HRH2: variants seen among roughly 807,000 people sequenced by gnomAD.
The protein encoded by HRH2 is histamine H2 receptor.
Under a neutral mutation model 20.1 loss-of-function variants are expected in HRH2, and 4 were observed. The ratio of observed to expected loss-of-function variants is 0.20; its 90% confidence interval spans 0.10 to 0.45. The LOEUF (loss-of-function observed/expected upper bound fraction) is 0.45. Among genes scored for constraint, HRH2 ranks in the 20% least tolerant of loss-of-function variants. The pLI is 0.99. For synonymous variants in HRH2, 197 were observed against 200.7 expected, an observed-to-expected ratio of 0.98 and a Z score of 0.16; for missense variants, 250 against 461.6, an observed-to-expected ratio of 0.54 and a Z score of 4.20.
intron 2 of HRH2, among the ~76,000 whole-genome samples, chr5:175,698,826 G>A (rs1214133826): frequency 2.6e-5 from 4 of 152,158 alleles, no homozygotes; most frequent in Admixed American, 6.5e-5. Context: ...TAAGTCCCAC[G>A]GGGTTCATTT....
Position 175,707,880 on chromosome 5 carries a change from C to T in HRH2, c.1178C>T (p.Ser393Leu), listed in dbSNP as rs1581474635. ...CTTCAGAGACACATGGGAGGCCCCT[C>T]GGAGGAGCTATCGGGGGAGCCACTG... ...RFLQRHMGGP[S>L]EELSGEPLSE... The change falls in exon 3 of 3, where the codon TCG (serine) becomes TTG (leucine). Residue 393 changes from serine (S) to leucine (L), a missense_variant. Around this residue, in one of 5 missense-constraint regions of HRH2, gnomAD observed 55 missense variants for 66.9 expected, o/e 0.82. Transcript: ENST00000636584. 1.5e-5 allele frequency: 6 copies of T among 399,196 alleles called. No homozygotes were observed. The highest frequency in any genetic ancestry group is 3.6e-5 in the East Asian group (1 of 28,092). 24.7% of individuals were successfully genotyped at this position (399,196 alleles called of 1,614,324 possible).
rs1756169650 is a variant in HRH2, at chr5:175,686,254, C to T, written c.1076+1945C>T. ...TGGTTCAGCTAGAAGGTGGTTGCCA[C>T]TCTTGGGTTTAGTCTTGTATATCAC... On this transcript the variant is annotated intron_variant, in intron 2 of 2. Coordinates refer to ENST00000636584, the MANE Select transcript of HRH2 (RefSeq NM_001367711.1). The surrounding 1 kb of genome is among the most constrained non-coding windows in gnomAD (Gnocchi z 4.7). The T allele has an allele frequency of 6.6e-6, 1 of 152,236 alleles. No homozygotes were observed. Among genetic ancestry groups the T allele is most frequent in the Admixed American group, 6.5e-5 (1 of 15,278 alleles). 9.4% of individuals were successfully genotyped at this position (152,236 alleles called of 1,614,324 possible).
intron 2 of HRH2, among the ~76,000 whole-genome samples, chr5:175,689,263 GC>G (rs1001457497): frequency 1.3e-5 from 2 of 151,372 alleles, no homozygotes; most frequent in South Asian, 2.1e-4. Context: ...TGCCCCTCTG[GC>G]CCCCCTCAGC....
rs12055064 is a variant in HRH2, at chr5:175,669,892, A to C, written c.-526+11737A>C. On this transcript the variant is annotated intron_variant, in intron 1 of 2. Transcript: ENST00000636584. ...AGAGCACTAGAGCTCCACTAAAGGA[A>C]TCCTGCCTTTACCGTTCATGGACTG... Among the ~76,000 whole-genome samples, 83 of 152,354 alleles carry C rather than the reference A, an allele frequency of 5.4e-4. 1 individual carries two copies. The East Asian group carries it at 0.013, about 25-fold the overall frequency.
Position 175,687,563 on chromosome 5 carries a change from T to C in HRH2, c.1076+3254T>C, listed in dbSNP as rs1288994836. Reference sequence around the variant, plus strand: ...CCTGCCCAGCCTCTATGAGTGCTCTTTGCAGCACACTCAGGGCAGCTCACC... The same window carrying C: ...CCTGCCCAGCCTCTATGAGTGCTCTCTGCAGCACACTCAGGGCAGCTCACC... On this transcript the variant is annotated intron_variant, in intron 2 of 2. Transcript: ENST00000636584. The surrounding 1 kb of genome is among the most constrained non-coding windows in gnomAD (Gnocchi z 5.2). 3.3e-5 allele frequency among the ~76,000 whole-genome samples: 5 copies of C among 152,082 alleles called. No individual in the cohort carries two copies. The highest frequency in any genetic ancestry group is 3.3e-4 in the Admixed American group (5 of 15,278).
chr5:175,705,680 TGA>T (rs1756924695), intron 2 of HRH2, among the ~76,000 whole-genome samples: 1 of 151,870 alleles, frequency 6.6e-6, no homozygotes, highest in South Asian at 2.1e-4. Context: ...TTTTTTTTTT[TGA>T]GACAGGGTCT....
intron 2 of HRH2, among the ~76,000 whole-genome samples, chr5:175,703,369 A>G (rs1024202057): frequency 1.3e-5 from 2 of 152,230 alleles, no homozygotes; most frequent in African/African-American, 4.8e-5. Flanking sequence ...AACATTTTAA[A>G]GTAAACGACA....
chr5:175,686,294 A>G lies in HRH2; in HGVS notation c.1076+1985A>G, dbSNP rs573800585. On this transcript the variant is annotated intron_variant, in intron 2 of 2. Transcript: ENST00000636584. This position sits in a 1 kb window ranked among gnomAD's most constrained non-coding sequence, Gnocchi z 4.7. ...TTGTATATCACTTTGTGCTGCCGTT[A>G]CTTGTTTGAGCCCTGGGTTAATAAG... 1 of 152,358 alleles carries G rather than the reference A, an allele frequency of 6.6e-6. No homozygotes were observed. Among genetic ancestry groups the G allele is most frequent in the Non-Finnish European group, 1.5e-5 (1 of 68,034 alleles). The allele number at this position is 152,358 out of a possible 1,614,324, so 9.4% of individuals were successfully genotyped here.
At chr5:175,689,095 C>T (rs1581444826) in intron 2 of HRH2, among the ~76,000 whole-genome samples, 2 of 152,316 alleles carry the variant, frequency 1.3e-5, no homozygotes, top group East Asian at 3.9e-4. Flanking sequence ...CCCAGCATCC[C>T]AACTGGCCCC....
chr5:175,703,496 C>T (rs960224589), intron 2 of HRH2, among the ~76,000 whole-genome samples: 1 of 151,964 alleles, frequency 6.6e-6, no homozygotes, highest in African/African-American at 2.4e-5. Flanking sequence ...ACGATTTAAA[C>T]AGCCAATTTA....
At chr5:175,674,459 T>C (rs920753467) in intron 1 of HRH2, among the ~76,000 whole-genome samples, 3 of 152,170 alleles carry the variant, frequency 2.0e-5, no homozygotes, top group Middle Eastern at 3.4e-3. Context: ...TCCCTCACTA[T>C]GATGCCTAGG....
chr5:175,668,917 C>G (rs1003308517), intron 1 of HRH2, among the ~76,000 whole-genome samples: 1 of 152,134 alleles, frequency 6.6e-6, no homozygotes, highest in Non-Finnish European at 1.5e-5. Context: ...TGCAGAATCA[C>G]GGAACAAAGT....
rs1023250367 is a variant in HRH2, at chr5:175,693,677, T to A, written c.1076+9368T>A. On this transcript the variant is annotated intron_variant, in intron 2 of 2. Transcript: ENST00000636584. The surrounding 1 kb of genome is among the most constrained non-coding windows in gnomAD (Gnocchi z 4.4). ...AAATGGAAAGTCATAGAGAACCCCA[T>A]GTCTGTTGCCATCCTTCCTATTCCC... is the stretch of plus-strand genomic sequence containing the variant. 6.6e-6 allele frequency among the ~76,000 whole-genome samples: 1 copy of A among 152,226 alleles called. No homozygotes were observed.
At chr5:175,676,431 C>T (rs1413804531) in intron 1 of HRH2, among the ~76,000 whole-genome samples, 1 of 152,200 alleles carries the variant, frequency 6.6e-6, no homozygotes, top group Admixed American at 6.5e-5. Context: ...TCTTATTAGC[C>T]ATCTCTTCCT....
At chr5:175,658,879 C>G (rs1001359349) in intron 1 of HRH2, among the ~76,000 whole-genome samples, 1 of 152,170 alleles carries the variant, frequency 6.6e-6, no homozygotes, top group Non-Finnish European at 1.5e-5. Context: ...GTTTCCTCCT[C>G]CATGAACAGG....
rs547970845 is a variant in HRH2 at position 175,708,929 on chromosome 5, T to C, written c.*958T>C. The C allele has an allele frequency of 2.6e-5, 4 of 152,176 alleles. No individual in the cohort carries two copies. The highest frequency in any genetic ancestry group is 9.6e-5 in the African/African-American group (4 of 41,486). The allele number at this position is 152,176 out of a possible 1,614,324, so 9.4% of individuals were successfully genotyped here. A position where few individuals can be genotyped will look rare whatever the true frequency, so the allele number is the denominator to read the frequency against. On this transcript the variant is annotated 3_prime_UTR_variant, in exon 3 of 3. Coordinates refer to ENST00000636584, the MANE Select transcript of HRH2 (RefSeq NM_001367711.1). ...CTTGAGGGACTGTAATGGTTGTGAA[T>C]GGGGGAGTTGGCCCCCAGCACTCTC...
At chr5:175,688,937 T>C (rs989534576) in intron 2 of HRH2, among the ~76,000 whole-genome samples, 5 of 152,150 alleles carry the variant, frequency 3.3e-5, no homozygotes, top group Non-Finnish European at 5.9e-5. Context: ...GCACCTGGGC[T>C]ATCCCAGTCT....
intron 2 of HRH2, among the ~76,000 whole-genome samples, chr5:175,689,184 T>C (rs1419689331): frequency 6.6e-6 from 1 of 152,168 alleles, no homozygotes. Context: ...ACTTCTCCTA[T>C]TGCTTAGAGT....
At position 175,682,972 on chromosome 5, in the gene HRH2, G is replaced by A; in HGVS notation, c.-262G>A. 1 of 433,922 alleles carries A rather than the reference G, an allele frequency of 2.3e-6. No homozygotes were observed. The highest frequency in any genetic ancestry group is 4.1e-6 in the Non-Finnish European group (1 of 246,348). The allele number at this position is 433,922 out of a possible 1,614,324, so 26.9% of individuals were successfully genotyped here. On this transcript the variant is annotated 5_prime_UTR_variant, in exon 2 of 3. Transcript: ENST00000636584. ...TTTGATCCATGAACCTGGCTTCGAG[G>A]CCTTGCTTTTCTCTCTTCTTCATTC...
Sources: gnomAD v4.1 joint callset for allele counts (sites outside exome capture counted in the v4.1 genomes callset) on GRCh38, gnomAD v4.1.1 for gene constraint, gnomAD v4.1.1 regional missense constraint, Gnocchi (gnomAD v3.1) non-coding constraint, MANE v1.5 for transcripts, NCBI Gene and HGNC (gene_info 2026-07-23, HGNC 2026-07-21) for gene names.